Variants in PPP6R3 observed in about 807,000 individuals in gnomAD.
The protein encoded by PPP6R3 is protein phosphatase 6 regulatory subunit 3.
Under a neutral mutation model 110.7 loss-of-function variants are expected in PPP6R3, and 38 were observed. That is an observed-to-expected ratio of 0.34 (90% CI 0.26 to 0.45). The LOEUF (loss-of-function observed/expected upper bound fraction) is 0.45, where lower values mean the gene tolerates loss of function less well. Ranked by LOEUF, PPP6R3 falls within the 20% of genes least tolerant of loss-of-function variation. The pLI, the probability that PPP6R3 is intolerant of heterozygous loss-of-function variation, is 1.00. For missense variants in PPP6R3, 870 were observed against 1,062.4 expected, an observed-to-expected ratio of 0.82 and a Z score of 2.52; for synonymous variants, 369 against 373.5, an observed-to-expected ratio of 0.99 and a Z score of 0.14.
At chr11:68,471,675 C>T (rs1017183758) in intron 1 of PPP6R3, among the ~76,000 whole-genome samples, 7 of 152,158 alleles carry the variant, frequency 4.6e-5, no homozygotes, top group African/African-American at 1.7e-4. Flanking sequence ...ATTTGGGATC[C>T]TGAGGTGTTG....
intron 10 of PPP6R3, among the ~76,000 whole-genome samples, chr11:68,567,876 T>C (rs1169408596): frequency 6.6e-6 from 1 of 152,190 alleles, no homozygotes; most frequent in Non-Finnish European, 1.5e-5. Context: ...ACAGGCATTG[T>C]AATGTTCATC....
chr11:68,601,951 C>T lies in PPP6R3; in HGVS notation c.2281C>T (p.Leu761=). ...MDPLTPSAAA[L]AVQPEAAGSV... ...CCCTCTGACTCCCAGTGCGGCTGCC[C>T]TGGCAGTGCAGCCAGAAGGTGCGTG... Residue 761 remains leucine (L), a synonymous_variant, in exon 21 of 24, where the codon CTG becomes TTG. Coordinates refer to ENST00000393800, the MANE Select transcript of PPP6R3 (RefSeq NM_001164161.2). The T allele has an allele frequency of 8.1e-6, 13 of 1,613,022 alleles. No homozygotes were observed. Among genetic ancestry groups the T allele is most frequent in the South Asian group, 1.1e-5 (1 of 90,780 alleles).
At chr11:68,472,419 C>T (rs2098798709) in intron 1 of PPP6R3, among the ~76,000 whole-genome samples, 1 of 152,132 alleles carries the variant, frequency 6.6e-6, no homozygotes, top group Admixed American at 6.5e-5. Flanking sequence ...ATGCATTTCT[C>T]CAGGGTACCA....
chr11:68,524,852 G>T (rs550563606), intron 2 of PPP6R3, among the ~76,000 whole-genome samples: 70 of 152,220 alleles, frequency 4.6e-4, no homozygotes, highest in Non-Finnish European at 8.2e-4. Context: ...AGCTGAGCTT[G>T]TCCAGAGCTC....
chr11:68,501,226 A>G (rs1479209550), intron 1 of PPP6R3, among the ~76,000 whole-genome samples: 1 of 152,220 alleles, frequency 6.6e-6, no homozygotes, highest in African/African-American at 2.4e-5. Context: ...TTGAATTTGT[A>G]GTGTTCTCCA....
intron 1 of PPP6R3, among the ~76,000 whole-genome samples, chr11:68,480,009 G>A (rs564261094): frequency 6.6e-6 from 1 of 152,044 alleles, no homozygotes; most frequent in East Asian, 1.9e-4. Flanking sequence ...TGGGATTACA[G>A]GTGTGAATTA....
chr11:68,548,776 A>G (rs965276885), intron 5 of PPP6R3, among the ~76,000 whole-genome samples: 1 of 152,190 alleles, frequency 6.6e-6, no homozygotes, highest in South Asian at 2.1e-4. Flanking sequence ...TGCCTCTTGA[A>G]TAGATGTCTC....
chr11:68,602,038 C>A, intron 21 of PPP6R3, 69 bp downstream of exon 21: 1 of 1,279,746 alleles, frequency 7.8e-7, no homozygotes, highest in Non-Finnish European at 1.1e-6. Context: ...ACCTGATTCT[C>A]AGGCTCAGGG....
chr11:68,525,798 G>A (rs2099194092), intron 2 of PPP6R3, among the ~76,000 whole-genome samples: 1 of 152,114 alleles, frequency 6.6e-6, no homozygotes, highest in Non-Finnish European at 1.5e-5. Context: ...ATTAGGAAAG[G>A]CCATTTTCTT....
intron 12 of PPP6R3, 39 bp downstream of exon 12, chr11:68,571,143 T>G: frequency 1.3e-6 from 2 of 1,580,098 alleles, no homozygotes; most frequent in Non-Finnish European, 1.7e-6. Context: ...TCAGTTTGGT[T>G]GGTAATATGA....
chr11:68,556,032 T>C (rs1265418609), intron 7 of PPP6R3, among the ~76,000 whole-genome samples: 1 of 152,214 alleles, frequency 6.6e-6, no homozygotes, highest in Admixed American at 6.5e-5. Flanking sequence ...ATATATTTGA[T>C]ATATTATGTG....
At chr11:68,586,864 G>A (rs1021241425) in intron 15 of PPP6R3, 2 of 152,200 alleles carry the variant, frequency 1.3e-5, no homozygotes, top group Non-Finnish European at 2.9e-5. Context: ...GAACCAAGGA[G>A]AAGGTGGTTT....
At chr11:68,583,979 C>G (rs1483796291) in intron 15 of PPP6R3, among the ~76,000 whole-genome samples, 1 of 152,140 alleles carries the variant, frequency 6.6e-6, no homozygotes, top group Non-Finnish European at 1.5e-5. Context: ...TATGCTGGCC[C>G]TGTCTTTTGG....
intron 1 of PPP6R3, among the ~76,000 whole-genome samples, chr11:68,502,229 C>T (rs1002714093): frequency 6.6e-6 from 1 of 152,082 alleles, no homozygotes; most frequent in African/African-American, 2.4e-5. Flanking sequence ...TTTTATACAA[C>T]CCATTATGTC....
intron 2 of PPP6R3, among the ~76,000 whole-genome samples, chr11:68,524,663 T>C (rs1035534294): frequency 6.6e-6 from 1 of 152,256 alleles, no homozygotes; most frequent in Non-Finnish European, 1.5e-5. Context: ...TCAGTTTTTG[T>C]CTGAAAAGGA....
At chr11:68,538,042 C>A in intron 3 of PPP6R3, 151 bp downstream of exon 3, 1 of 522,606 alleles carries the variant, frequency 1.9e-6, no homozygotes, top group Non-Finnish European at 3.2e-6. Context: ...AGCGCAAAAT[C>A]CATTCTAGCA....
intron 22 of PPP6R3, among the ~76,000 whole-genome samples, chr11:68,609,059 A>T (rs1339854183): frequency 6.6e-6 from 1 of 152,204 alleles, no homozygotes; most frequent in Admixed American, 6.5e-5. Flanking sequence ...GCTCTGAGTG[A>T]TGGACCTTTC....
In PPP6R3 at chr11:68,573,156, T is replaced by A. The variant is rs866654286; in HGVS notation, c.1344-953T>A. Among the ~76,000 whole-genome samples, 118 of 49,518 alleles carry A rather than the reference T, an allele frequency of 2.4e-3. 1 individual carries two copies. The highest frequency in any genetic ancestry group is 7.9e-3 in the African/African-American group (95 of 11,964). The allele number at this position is 49,518 out of a possible 152,430, so 32.5% of individuals were successfully genotyped here. On this transcript the variant is annotated intron_variant, in intron 12 of 23. Transcript: ENST00000393800. ...TATATATATATATATATATATATAA[T>A]TTTTTTTTTTTTGAGACGGAGTCTT...
chr11:68,566,800 A>G (rs955357197), intron 9 of PPP6R3, among the ~76,000 whole-genome samples: 7 of 152,174 alleles, frequency 4.6e-5, no homozygotes, highest in African/African-American at 1.7e-4. Context: ...TATAAAATTT[A>G]TGATCCAGGG....
Sources: gnomAD v4.1 joint callset for allele counts (sites outside exome capture counted in the v4.1 genomes callset) on GRCh38, gnomAD v4.1.1 for gene constraint, MANE v1.5 for transcripts, NCBI Gene and HGNC (gene_info 2026-07-23, HGNC 2026-07-21) for gene names.